PTPRT: variants seen among roughly 807,000 people sequenced by gnomAD.
PTPRT encodes protein tyrosine phosphatase receptor type T.
In PTPRT, 56 loss-of-function variants were observed where a neutral mutation model predicts 176.8. The observed-to-expected ratio is 0.32, with a 90% CI of 0.26 to 0.40. The LOEUF is 0.40. Among genes scored for constraint, PTPRT ranks in the 10% least tolerant of loss-of-function variants. PTPRT has a pLI of 1.00. For synonymous variants in PTPRT, 783 were observed against 739.0 expected, an observed-to-expected ratio of 1.06 and a Z score of -0.96; for missense variants, 1,540 against 1,908.2, an observed-to-expected ratio of 0.81 and a Z score of 3.60.
At chr20:42,170,385 GA>G (rs1440394477) in intron 16 of PTPRT, among the ~76,000 whole-genome samples, 1 of 152,092 alleles carries the variant, frequency 6.6e-6, no homozygotes, top group Non-Finnish European at 1.5e-5. Context: ...TATTGAAAAC[GA>G]AATGCGAGAA....
chr20:42,608,243 G>A (rs2073916259), intron 7 of PTPRT, among the ~76,000 whole-genome samples: 1 of 152,088 alleles, frequency 6.6e-6, no homozygotes, highest in Non-Finnish European at 1.5e-5. Context: ...CACAGCCCCT[G>A]CCCCAGTCCC....
intron 1 of PTPRT, among the ~76,000 whole-genome samples, chr20:43,174,736 G>T (rs1443735779): frequency 6.6e-6 from 1 of 152,204 alleles, no homozygotes; most frequent in Non-Finnish European, 1.5e-5. Context: ...GTCACTGTTT[G>T]AAATGAACAA....
rs1440349783 is a variant in PTPRT, at chr20:42,466,482, A to G, written c.1450+5784T>C. On this transcript the variant is annotated intron_variant, in intron 8 of 30. Coordinates refer to ENST00000373187, the MANE Select transcript of PTPRT (RefSeq NM_007050.6). ...TCACTGCATACCCTCAGTGGTATAC[A>G]GCCTAAGGAGATAAAAACTGAAATC... Among the ~76,000 whole-genome samples, 3 of 152,346 alleles carry G rather than the reference A, an allele frequency of 2.0e-5. No individual in the cohort carries two copies. In the East Asian group the frequency reaches 5.8e-4, roughly 29 times the overall value.
intron 1 of PTPRT, among the ~76,000 whole-genome samples, chr20:43,042,558 T>C (rs998614212): frequency 2.0e-5 from 3 of 152,068 alleles, no homozygotes; most frequent in Non-Finnish European, 2.9e-5. Context: ...CTTGGTGACC[T>C]TAGAATCTTT....
rs1367488514 is a variant in PTPRT at position 42,173,993 on chromosome 20, ATAAAG to A, written c.2492-12456_2492-12452del. On this transcript the variant is annotated intron_variant, in intron 16 of 30. Transcript: ENST00000373187. Reference sequence around the variant, plus strand: ...GCCTAAAGAATTTTATAAACTGATGATAAAGTAGAGTACAAATATTGGTTGGCAAA... The same window carrying A: ...GCCTAAAGAATTTTATAAACTGATGATAGAGTACAAATATTGGTTGGCAAA... Among the ~76,000 whole-genome samples the A allele has an allele frequency of 9.2e-5, 14 of 152,356 alleles. No homozygotes were observed. The South Asian group carries it at 2.3e-3, about 25-fold the overall frequency.
At chr20:42,570,702 G>GA (rs1344082304) in intron 7 of PTPRT, among the ~76,000 whole-genome samples, 4 of 151,742 alleles carry the variant, frequency 2.6e-5, no homozygotes, top group Admixed American at 6.6e-5. Flanking sequence ...GAGGGAGAGG[G>GA]AAAAAAAGAG....
In PTPRT at chr20:42,167,669, A is replaced by C. The variant is rs116405427; in HGVS notation, c.2492-6127T>G. On this transcript the variant is annotated intron_variant, in intron 16 of 30. Coordinates refer to ENST00000373187, the MANE Select transcript of PTPRT (RefSeq NM_007050.6). The stretch of plus-strand genomic sequence containing the variant: ...AGAGGAGAGAAGTTTTGAGGTGAAG[A>C]GGAGGCTGGGTCACCTGCACAGAGT... 1.1e-3 allele frequency among the ~76,000 whole-genome samples: 161 copies of C among 152,320 alleles called. 1 individual carries two copies. Among genetic ancestry groups the C allele is most frequent in the Middle Eastern group, 6.8e-3 (2 of 294 alleles).
chr20:42,360,872 T>A (rs2145562480), intron 9 of PTPRT, among the ~76,000 whole-genome samples: 1 of 152,354 alleles, frequency 6.6e-6, no homozygotes, highest in South Asian at 2.1e-4. Context: ...GCCTAGATTC[T>A]ATTTATTGAT....
intron 13 of PTPRT, among the ~76,000 whole-genome samples, chr20:42,256,371 A>C (rs1358187325): frequency 1.3e-5 from 2 of 152,180 alleles, no homozygotes; most frequent in Admixed American, 1.3e-4. Flanking sequence ...TTGCATCCCA[A>C]GGCATTGAGA....
At chr20:42,422,278 T>A (rs1395049440) in intron 9 of PTPRT, among the ~76,000 whole-genome samples, 1 of 152,032 alleles carries the variant, frequency 6.6e-6, no homozygotes, top group African/African-American at 2.4e-5. Flanking sequence ...ACCTACAGAA[T>A]GGGAGAAAAC....
chr20:42,181,647 A>G (rs887350387), intron 16 of PTPRT, among the ~76,000 whole-genome samples: 1 of 152,190 alleles, frequency 6.6e-6, no homozygotes. Flanking sequence ...AAAGTGAACC[A>G]TTGTGATCTA....
chr20:42,583,345 T>G (rs2073411947), intron 7 of PTPRT, among the ~76,000 whole-genome samples: 1 of 152,174 alleles, frequency 6.6e-6, no homozygotes, highest in African/African-American at 2.4e-5. Flanking sequence ...GCCTCACTGT[T>G]CTTCATTAAC....
At chr20:42,705,639 G>T (rs911179187) in intron 6 of PTPRT, among the ~76,000 whole-genome samples, 6 of 152,146 alleles carry the variant, frequency 3.9e-5, no homozygotes, top group African/African-American at 1.2e-4. Flanking sequence ...TTGGTCTGTT[G>T]TAATCATGTC....
At chr20:42,163,664 G>A (rs767044800) in intron 16 of PTPRT, among the ~76,000 whole-genome samples, 2 of 152,178 alleles carry the variant, frequency 1.3e-5, no homozygotes, top group African/African-American at 4.8e-5. Context: ...ATCAACTGAA[G>A]AAAAAGGACA....
At chr20:43,121,247 C>G (rs2013246892) in intron 1 of PTPRT, among the ~76,000 whole-genome samples, 1 of 152,194 alleles carries the variant, frequency 6.6e-6, no homozygotes, top group Admixed American at 6.5e-5. Context: ...ACAATTTATC[C>G]ATTCTACTAT....
intron 9 of PTPRT, among the ~76,000 whole-genome samples, chr20:42,386,615 C>T (rs1600934373): frequency 6.6e-6 from 1 of 152,326 alleles, no homozygotes; most frequent in Admixed American, 6.5e-5. Flanking sequence ...GAATTATTAT[C>T]TTCTTGGGAG....
chr20:42,791,825 C>T (rs988873018), intron 2 of PTPRT, among the ~76,000 whole-genome samples: 7 of 152,216 alleles, frequency 4.6e-5, no homozygotes, highest in African/African-American at 1.7e-4. Context: ...CGAAGTGAGC[C>T]TCTTTTGAGT....
chr20:42,166,133 G>C (rs1053991224), intron 16 of PTPRT, among the ~76,000 whole-genome samples: 1 of 152,180 alleles, frequency 6.6e-6, no homozygotes, highest in Admixed American at 6.5e-5. Context: ...TAAATGGTAG[G>C]CTAATGTATG....
chr20:43,078,218 AC>A (rs1899048037), intron 1 of PTPRT, among the ~76,000 whole-genome samples: 1 of 152,240 alleles, frequency 6.6e-6, no homozygotes, highest in African/African-American at 2.4e-5. Context: ...AGCCTTCTTA[AC>A]AGTTAGATTT....
Sources: gnomAD v4.1 joint callset for allele counts (sites outside exome capture counted in the v4.1 genomes callset) on GRCh38, gnomAD v4.1.1 for gene constraint, MANE v1.5 for transcripts, NCBI Gene and HGNC (gene_info 2026-07-23, HGNC 2026-07-21) for gene names.